The following INTS10 variants were observed in gnomAD, a reference collection of about 807,000 sequenced individuals.
The protein encoded by INTS10 is chromosome 8 open reading frame 35.
In INTS10, 44 loss-of-function variants were observed where a neutral mutation model predicts 94.4. That is an observed-to-expected ratio of 0.47 (90% CI 0.37 to 0.60). INTS10 has a LOEUF of 0.60. Ranked by LOEUF, INTS10 falls within the 20% of genes least tolerant of loss-of-function variation. The pLI, the probability that INTS10 is intolerant of heterozygous loss-of-function variation, is 0.00. For synonymous variants in INTS10, 341 were observed against 320.7 expected, an observed-to-expected ratio of 1.06 and a Z score of -0.68; for missense variants, 797 against 868.7, an observed-to-expected ratio of 0.92 and a Z score of 1.04.
At chr8:19,834,184 C>G (rs548133752) in intron 12 of INTS10, among the ~76,000 whole-genome samples, 4 of 152,220 alleles carry the variant, frequency 2.6e-5, no homozygotes, top group Admixed American at 2.6e-4. Context: ...AAATGATAAC[C>G]GTGTTGTTGT....
chr8:19,825,643 T>C (rs1279141524), intron 8 of INTS10, among the ~76,000 whole-genome samples: 1 of 152,116 alleles, frequency 6.6e-6, no homozygotes, highest in African/African-American at 2.4e-5. Flanking sequence ...AGAGAGTATA[T>C]GCATAAATAT....
At chr8:19,831,226 T>A (rs1380799172) in intron 10 of INTS10, among the ~76,000 whole-genome samples, 1 of 152,222 alleles carries the variant, frequency 6.6e-6, no homozygotes, top group Non-Finnish European at 1.5e-5. Context: ...CTGTGTCATC[T>A]TTTCTAAGTA....
At chr8:19,837,757 C>A (rs1350805890) in intron 13 of INTS10, among the ~76,000 whole-genome samples, 5 of 151,384 alleles carry the variant, frequency 3.3e-5, no homozygotes, top group African/African-American at 1.2e-4. Flanking sequence ...AAGAATAATG[C>A]TAAGAGCAGA....
At chr8:19,842,018 G>A (rs1590044272) in intron 13 of INTS10, 1 of 246,642 alleles carries the variant, frequency 4.1e-6, no homozygotes, top group East Asian at 1.1e-4. Flanking sequence ...TTGCCTCTGA[G>A]TAGAGAAAGA....
Position 19,842,886 on chromosome 8 carries a change from A to G in INTS10, c.1678A>G (p.Ile560Val), listed in dbSNP as rs201624070. ...GCTCCTGCCTTGTACCAGCAAGGCT[A>G]TCATGCCATACTGCCTCCATTTAAT... The part of the protein sequence containing the change: ...LKLLPCTSKA[I>V]MPYCLHLMLA... The change falls in exon 14 of 17, where the codon ATC (isoleucine) becomes GTC (valine). Residue 560 changes from isoleucine to valine, a missense_variant. Coordinates refer to ENST00000397977, the MANE Select transcript of INTS10 (RefSeq NM_018142.4). 96 of 1,613,458 alleles carry G rather than the reference A, an allele frequency of 5.9e-5. No homozygotes were observed. The African/African-American group carries it at 1.2e-3, about 20-fold the overall frequency.
At chr8:19,834,966 G>T (rs1209444789) in intron 12 of INTS10, among the ~76,000 whole-genome samples, 1 of 151,984 alleles carries the variant, frequency 6.6e-6, no homozygotes, top group Admixed American at 6.6e-5. Flanking sequence ...CATTCATGAG[G>T]GTTTTGCTCT....
At position 19,849,705 on chromosome 8, in the gene INTS10, C is replaced by T. The variant is rs764667079; in HGVS notation, c.1977-1944C>T. On this transcript the variant is annotated intron_variant, in intron 16 of 16. Coordinates refer to ENST00000397977, the MANE Select transcript of INTS10 (RefSeq NM_018142.4). The surrounding 1 kb of genome is among the most constrained non-coding windows in gnomAD (Gnocchi z 4.6). ...AGGCACTAATGTGTTTTTTTTCCTG[C>T]TACTGATGTTTTTTCAGACCTTACC... Among the ~76,000 whole-genome samples, 17 of 152,002 alleles carry T rather than the reference C, an allele frequency of 1.1e-4. No homozygotes were observed. Among genetic ancestry groups the T allele is most frequent in the Non-Finnish European group, 2.1e-4 (14 of 68,002 alleles).
intron 3 of INTS10, among the ~76,000 whole-genome samples, chr8:19,819,892 A>AATTGT (rs1326965910): frequency 6.6e-6 from 1 of 152,236 alleles, no homozygotes; most frequent in Non-Finnish European, 1.5e-5. Context: ...ACGAGGAATT[A>AATTGT]ATTGTATATA....
chr8:19,838,024 C>T (rs1442993758), intron 13 of INTS10, among the ~76,000 whole-genome samples: 4 of 152,106 alleles, frequency 2.6e-5, no homozygotes, highest in Admixed American at 2.6e-4. Flanking sequence ...GTTTCTTAAA[C>T]ACAATTTACC....
In INTS10 at chr8:19,851,772, T is replaced by C. The variant is rs2128820788; in HGVS notation, c.2100T>C (p.Asn700=). ...LMVVLHRFCI[N]EKILLLQTLT ...TGGTTCTGCACAGGTTCTGCATTAA[T>C]GAGAAGATCTTGCTCCTTCAGACTC... Residue 700 remains asparagine (N), a synonymous_variant, in exon 17 of 17, where the codon AAT becomes AAC. Transcript: ENST00000397977. The surrounding 1 kb of genome is among the most constrained non-coding windows in gnomAD (Gnocchi z 5.0). 3.7e-6 allele frequency: 6 copies of C among 1,614,178 alleles called. No homozygotes were observed. The highest frequency in any genetic ancestry group is 4.2e-6 in the Non-Finnish European group (5 of 1,180,018).
chr8:19,820,737 G>T (rs1477722100), intron 4 of INTS10, among the ~76,000 whole-genome samples: 2 of 152,162 alleles, frequency 1.3e-5, no homozygotes, highest in African/African-American at 4.8e-5. Context: ...AAATCACCAA[G>T]CTCTGACAGT....
rs1231420054 is a variant in INTS10, at chr8:19,846,682, G to A, written c.1976+885G>A. On this transcript the variant is annotated intron_variant, in intron 16 of 16. Coordinates refer to ENST00000397977, the MANE Select transcript of INTS10 (RefSeq NM_018142.4). This position sits in a 1 kb window ranked among gnomAD's most constrained non-coding sequence, Gnocchi z 4.2. ...CCATGCTCCCCTGAACTCACAAGAT[G>A]TTACTAAAATTCCGGGTTGGCCCAG... 2.0e-5 allele frequency among the ~76,000 whole-genome samples: 3 copies of A among 152,248 alleles called. No homozygotes were observed. Among genetic ancestry groups the A allele is most frequent in the African/African-American group, 7.2e-5 (3 of 41,546 alleles).
chr8:19,842,449 T>C (rs1333315375), intron 13 of INTS10, among the ~76,000 whole-genome samples: 3 of 152,184 alleles, frequency 2.0e-5, no homozygotes, highest in African/African-American at 7.2e-5. Context: ...TGGAAGAGAA[T>C]GGGATCAGAG....
In INTS10 at chr8:19,819,591, C is replaced by A. The variant is rs1033480634; in HGVS notation, c.216C>A (p.Asp72Glu). ...LLYDMFVNFP[D>E]QPVVWREISI... The stretch of plus-strand genomic sequence containing the variant: ...AAAATAGGTTTGTGAATTTCCCAGA[C>A]CAGCCGGTGGTGTGGAGAGAAATCA... Residue 72 changes from aspartate (D) to glutamate (E), a missense_variant, in exon 3 of 17, where the codon GAC becomes GAA. This residue lies in a region of INTS10 where 734 missense variants were observed against 787.8 expected (regional missense o/e 0.93). Coordinates refer to ENST00000397977, the MANE Select transcript of INTS10 (RefSeq NM_018142.4). 5 of 1,612,304 alleles carry A rather than the reference C, an allele frequency of 3.1e-6. No homozygotes were observed. Among genetic ancestry groups the A allele is most frequent in the African/African-American group, 1.3e-5 (1 of 74,862 alleles).
intron 8 of INTS10, among the ~76,000 whole-genome samples, chr8:19,825,763 A>G (rs1589948303): frequency 6.6e-6 from 1 of 152,064 alleles, no homozygotes; most frequent in African/African-American, 2.4e-5. Flanking sequence ...ATATATTTAG[A>G]TTTTGTTTGG....
chr8:19,819,249 C>T (rs2066180278), intron 2 of INTS10, among the ~76,000 whole-genome samples: 1 of 152,104 alleles, frequency 6.6e-6, no homozygotes, highest in Admixed American at 6.6e-5. Context: ...CAACTGTTCT[C>T]TTTGGCTGTG....
chr8:19,845,836 C>T (rs1419720577), intron 16 of INTS10, 39 bp downstream of exon 16: 6 of 1,376,046 alleles, frequency 4.4e-6, no homozygotes, highest in Non-Finnish European at 6.2e-6. Context: ...GCTGAGTGCT[C>T]ACCTTTTGTG....
rs554672028 is a variant in INTS10 at position 19,846,308 on chromosome 8, C to G, written c.1976+511C>G. ...ATTATGTGGGCATGATAGTGGGCAC[C>G]TGTAATCCCAGCTACTTGGGAGGCT... is the stretch of plus-strand genomic sequence containing the variant. On this transcript the variant is annotated intron_variant, in intron 16 of 16. Transcript: ENST00000397977. This position sits in a 1 kb window ranked among gnomAD's most constrained non-coding sequence, Gnocchi z 4.2. 1.3e-5 allele frequency among the ~76,000 whole-genome samples: 2 copies of G among 151,936 alleles called. No individual in the cohort carries two copies. Among genetic ancestry groups the G allele is most frequent in the African/African-American group, 4.8e-5 (2 of 41,458 alleles).
intron 4 of INTS10, chr8:19,821,206 G>A (rs1472546869): frequency 2.0e-5 from 3 of 152,074 alleles, no homozygotes; most frequent in Non-Finnish European, 2.9e-5. Context: ...CTACAAACTG[G>A]GTAGCTTAAA....
Sources: allele counts gnomAD v4.1 joint callset (sites outside exome capture counted in the v4.1 genomes callset), GRCh38; gene constraint gnomAD v4.1.1; regional missense constraint gnomAD v4.1.1; non-coding constraint Gnocchi (gnomAD v3.1); transcripts MANE v1.5; gene names NCBI Gene and HGNC (gene_info 2026-07-23, HGNC 2026-07-21).